CDH8: variants seen among roughly 807,000 people sequenced by gnomAD.
CDH8 encodes the protein cadherin 8.
Under a neutral mutation model 68.1 loss-of-function variants are expected in CDH8, and 17 were observed. The ratio of observed to expected loss-of-function variants is 0.25; its 90% CI spans 0.17 to 0.37. The LOEUF (loss-of-function observed/expected upper bound fraction) is 0.37, where lower values mean the gene tolerates loss of function less well. Ranked by LOEUF, CDH8 falls within the 10% of genes least tolerant of loss-of-function variation. The pLI, the probability that CDH8 is intolerant of heterozygous loss-of-function variation, is 1.00. For missense variants in CDH8, 763 were observed against 999.3 expected (o/e 0.76, Z 3.19); for synonymous variants, 372 against 365.1 (o/e 1.02, Z -0.21).
At chr16:61,763,670 T>G (rs1247157254) in intron 8 of CDH8, among the ~76,000 whole-genome samples, 1 of 152,118 alleles carries the variant, frequency 6.6e-6, no homozygotes, top group African/African-American at 2.4e-5. Flanking sequence ...CATTTATCAT[T>G]TTTATATCTA....
At chr16:61,926,458 G>A (rs1013896587) in intron 2 of CDH8, among the ~76,000 whole-genome samples, 8 of 152,050 alleles carry the variant, frequency 5.3e-5, no homozygotes, top group Non-Finnish European at 1.0e-4. Context: ...TTAACACCCT[G>A]ATCTGTGTCC....
At chr16:61,875,948 C>G (rs896381926) in intron 3 of CDH8, among the ~76,000 whole-genome samples, 2 of 152,180 alleles carry the variant, frequency 1.3e-5, no homozygotes, top group African/African-American at 4.8e-5. Context: ...GCCATCTCGG[C>G]TCACTGCAAC....
At chr16:61,673,153 T>C (rs1333707200) in intron 10 of CDH8, among the ~76,000 whole-genome samples, 1 of 152,124 alleles carries the variant, frequency 6.6e-6, no homozygotes, top group East Asian at 1.9e-4. Context: ...TGCTGTTAAA[T>C]AGCACAGAAT....
Position 61,854,231 on chromosome 16 carries a change from A to G in CDH8, c.667+2888T>C, listed in dbSNP as rs567139881. On this transcript the variant is annotated intron_variant, in intron 4 of 11. Transcript: ENST00000577390. ...TTACTTTAAGGATTTCCATGCAGTT[A>G]GCTGAGACCCTGTAGCTGAAGTACC... Among the ~76,000 whole-genome samples, 10 of 152,076 alleles carry G rather than the reference A, an allele frequency of 6.6e-5. No individual in the cohort carries two copies. In the East Asian group the frequency reaches 1.9e-3, roughly 30 times the overall value.
chr16:61,722,546 TG>T (rs1959231465), intron 9 of CDH8, among the ~76,000 whole-genome samples: 1 of 150,884 alleles, frequency 6.6e-6, no homozygotes, highest in African/African-American at 2.4e-5. Flanking sequence ...TAATAAATAT[TG>T]TCCAATAAAT....
intron 2 of CDH8, among the ~76,000 whole-genome samples, chr16:61,939,368 C>G (rs748395171): frequency 1.1e-4 from 17 of 152,062 alleles, no homozygotes; most frequent in Admixed American, 1.0e-3. Flanking sequence ...GATTAATACC[C>G]GCAGACATCG....
intron 8 of CDH8, 75 bp from the exon 9 acceptor site, chr16:61,727,290 C>G (rs919497646): frequency 6.9e-7 from 1 of 1,441,022 alleles, no homozygotes; most frequent in Admixed American, 2.1e-5. Context: ...CTCTTGAAAG[C>G]ATGTGTGTCT....
chr16:61,843,803 G>A (rs1387921054), intron 4 of CDH8, among the ~76,000 whole-genome samples: 3 of 152,196 alleles, frequency 2.0e-5, no homozygotes, highest in South Asian at 2.1e-4. Context: ...CTGAGGAATC[G>A]CCACACTGAC....
At chr16:61,678,508 G>A (rs2142794568) in intron 10 of CDH8, among the ~76,000 whole-genome samples, 1 of 151,758 alleles carries the variant, frequency 6.6e-6, no homozygotes, top group African/African-American at 2.4e-5. Context: ...TGTCCCTGAC[G>A]CCCTAAAGCA....
At chr16:61,980,688 A>G (rs1207750785) in intron 2 of CDH8, among the ~76,000 whole-genome samples, 6 of 152,220 alleles carry the variant, frequency 3.9e-5, no homozygotes, top group Admixed American at 6.5e-5. Flanking sequence ...GAGTAGATGC[A>G]ACAGATCTAT....
chr16:61,977,435 C>T (rs971112259), intron 2 of CDH8, among the ~76,000 whole-genome samples: 20 of 152,080 alleles, frequency 1.3e-4, no homozygotes, highest in Non-Finnish European at 2.1e-4. Context: ...GAAAGAGAAA[C>T]GATTTCTCCC....
intron 10 of CDH8, among the ~76,000 whole-genome samples, chr16:61,683,500 T>C (rs1208803380): frequency 6.6e-6 from 1 of 152,056 alleles, no homozygotes; most frequent in Non-Finnish European, 1.5e-5. Flanking sequence ...TTCTGTATCT[T>C]TGGCTTGCTC....
chr16:61,735,755 T>C (rs1567446266), intron 8 of CDH8, among the ~76,000 whole-genome samples: 1 of 151,972 alleles, frequency 6.6e-6, no homozygotes, highest in Non-Finnish European at 1.5e-5. Flanking sequence ...CCTTTAAAAA[T>C]TAGGAAAAGT....
chr16:61,970,882 G>A (rs1014421855), intron 2 of CDH8, among the ~76,000 whole-genome samples: 8 of 152,216 alleles, frequency 5.3e-5, no homozygotes, highest in Non-Finnish European at 1.2e-4. Context: ...CACAAAAGAA[G>A]TAAAAACAGC....
intron 2 of CDH8, among the ~76,000 whole-genome samples, chr16:61,960,797 T>C (rs963528348): frequency 6.6e-6 from 1 of 152,154 alleles, no homozygotes; most frequent in African/African-American, 2.4e-5. Context: ...GTATACTTCA[T>C]CCTTTTAAAA....
chr16:61,698,414 G>A (rs575185847), intron 10 of CDH8, among the ~76,000 whole-genome samples: 35 of 152,200 alleles, frequency 2.3e-4, no homozygotes, highest in Admixed American at 2.0e-3. Context: ...TGTTGCCTCC[G>A]AGAGTCTTTT....
chr16:61,743,841 T>C (rs1959944579), intron 8 of CDH8, among the ~76,000 whole-genome samples: 1 of 152,180 alleles, frequency 6.6e-6, no homozygotes, highest in African/African-American at 2.4e-5. Context: ...ATTTGCCATG[T>C]CATTGTTTTG....
intron 3 of CDH8, among the ~76,000 whole-genome samples, chr16:61,868,397 A>G (rs1315165304): frequency 6.6e-6 from 1 of 152,202 alleles, no homozygotes; most frequent in Non-Finnish European, 1.5e-5. Context: ...CACATTGATC[A>G]TGTTCTGAAT....
chr16:61,754,808 A>G (rs1162723430), intron 8 of CDH8, among the ~76,000 whole-genome samples: 1 of 152,058 alleles, frequency 6.6e-6, no homozygotes, highest in Admixed American at 6.6e-5. Context: ...GGACATATGC[A>G]GGTTACCTGG....
Sources: gnomAD v4.1 joint callset for allele counts (sites outside exome capture counted in the v4.1 genomes callset) on GRCh38, gnomAD v4.1.1 for gene constraint, MANE v1.5 for transcripts, NCBI Gene and HGNC (gene_info 2026-07-23, HGNC 2026-07-21) for gene names.